The following UROS variants were observed in gnomAD, a reference collection of about 807,000 sequenced individuals.
UROS encodes uroporphyrinogen-III synthase.
UROS carries 18 observed loss-of-function variants against 33.0 expected under a neutral mutation model. That is an observed-to-expected ratio of 0.55 (90% CI 0.38 to 0.81). The LOEUF (loss-of-function observed/expected upper bound fraction) is 0.81. UROS is among the 30% of genes least tolerant of loss of function. The pLI, the probability that UROS is intolerant of heterozygous loss-of-function variation, is 0.00. For synonymous variants in UROS, 114 were observed against 121.1 expected, an observed-to-expected ratio of 0.94 and a Z score of 0.38; for missense variants, 293 against 314.9, an observed-to-expected ratio of 0.93 and a Z score of 0.53.
rs1010416511 is a variant in UROS at position 125,812,284 on chromosome 10, C to G, written c.249G>C (p.Trp83Cys). ...TCCATTTTTCTTTCAGAGACCTTTC[C>G]CAGACTGTAAAACATGAAATGATAT... ...CLEQNNKTEVWERSLKEKWNA... is the reference protein window; with the variant it reads ...CLEQNNKTEVCERSLKEKWNA... Residue 83 changes from tryptophan (W) to cysteine (C), a missense_variant, in exon 5 of 10, where the codon TGG becomes TGC. Transcript: ENST00000368797. 6.2e-7 allele frequency: 1 copy of G among 1,613,634 alleles called. No homozygotes were observed. The highest frequency in any genetic ancestry group is 1.7e-5 in the Admixed American group (1 of 60,004).
intron 5 of UROS, among the ~76,000 whole-genome samples, chr10:125,810,845 G>C (rs1200788930): frequency 6.6e-6 from 1 of 152,210 alleles, no homozygotes; most frequent in Non-Finnish European, 1.5e-5. Context: ...TTCATGTCAA[G>C]GAAAAATGTG....
intron 6 of UROS, among the ~76,000 whole-genome samples, chr10:125,805,782 G>A (rs930964891): frequency 1.3e-5 from 2 of 152,176 alleles, no homozygotes; most frequent in Admixed American, 1.3e-4. Context: ...TACAGGCCAC[G>A]TGTCTATGTA....
chr10:125,795,867 G>A (rs1467771993), intron 8 of UROS, among the ~76,000 whole-genome samples: 10 of 152,108 alleles, frequency 6.6e-5, no homozygotes, highest in Admixed American at 3.9e-4. Context: ...ACCTCTTACC[G>A]AAATCACTGA....
intron 6 of UROS, chr10:125,802,911 G>A (rs534115928): frequency 4.1e-4 from 651 of 1,603,414 alleles, no homozygotes; most frequent in African/African-American, 2.5e-3. Context: ...TTTCCCCACC[G>A]CCTTGCCACC....
chr10:125,820,564 A>G (rs528462933), intron 1 of UROS, among the ~76,000 whole-genome samples: 1 of 152,350 alleles, frequency 6.6e-6, no homozygotes, highest in African/African-American at 2.4e-5. Flanking sequence ...GTTTAACCAG[A>G]TATCTGGGCA....
At chr10:125,797,327 C>T (rs1851448807) in intron 7 of UROS, among the ~76,000 whole-genome samples, 2 of 152,226 alleles carry the variant, frequency 1.3e-5, no homozygotes, top group Admixed American at 6.5e-5. Flanking sequence ...CTGAACACCT[C>T]TATGAGGCAG....
chr10:125,791,618 T>C (rs1269681133), intron 9 of UROS: 1 of 152,218 alleles, frequency 6.6e-6, no homozygotes, highest in Non-Finnish European at 1.5e-5. Flanking sequence ...GTCCTCAGCA[T>C]GTACTATTAT....
At chr10:125,804,266 A>C (rs1355101346) in intron 6 of UROS, among the ~76,000 whole-genome samples, 1 of 152,216 alleles carries the variant, frequency 6.6e-6, no homozygotes, top group Non-Finnish European at 1.5e-5. Context: ...TGGAACCTCC[A>C]TAAAACCCCT....
In UROS at chr10:125,816,229, A is replaced by G. The variant is rs1442096336; in HGVS notation, c.95T>C (p.Leu32Ser). The part of the protein sequence containing the change: ...ELGLYGLEAT[L>S]IPVLSFEFLS... ...AAACTCAAACGATAAAACAGGGATC[A>G]AAGTGGCTTCAAGTCCATATAATCC... The change falls in exon 3 of 10, where the codon TTG becomes TCG. Residue 32 changes from leucine (L) to serine (S), a missense_variant. Coordinates refer to ENST00000368797, the MANE Select transcript of UROS (RefSeq NM_000375.3). The G allele has an allele frequency of 2.5e-6, 4 of 1,614,112 alleles. No homozygotes were observed. In the Admixed American group the frequency reaches 6.7e-5, roughly 27 times the overall value.
intron 1 of UROS, among the ~76,000 whole-genome samples, chr10:125,821,640 C>T (rs912053502): frequency 1.2e-4 from 18 of 152,028 alleles, no homozygotes; most frequent in African/African-American, 4.1e-4. Context: ...CTTTTACCAC[C>T]ATAAAAAAAG....
downstream of UROS, chr10:125,785,427 C>T (rs2133790705): frequency 6.6e-6 from 1 of 152,324 alleles, no homozygotes; most frequent in East Asian, 1.9e-4. Context: ...ATTCTTGTTC[C>T]AGAGTAATGA....
chr10:125,801,205 G>A (rs1851816886), intron 6 of UROS, among the ~76,000 whole-genome samples: 1 of 152,176 alleles, frequency 6.6e-6, no homozygotes, highest in African/African-American at 2.4e-5. Context: ...AGTGTGCCAG[G>A]CTGCAGAGAT....
intron 6 of UROS, among the ~76,000 whole-genome samples, chr10:125,806,292 G>A (rs1852325522): frequency 6.6e-6 from 1 of 151,952 alleles, no homozygotes; most frequent in Non-Finnish European, 1.5e-5. Context: ...TGTTTCAGAA[G>A]CCATAAAGAG....
chr10:125,812,171 C>G, intron 5 of UROS, 43 bp downstream of exon 5: 1 of 1,579,914 alleles, frequency 6.3e-7, no homozygotes, highest in Non-Finnish European at 8.7e-7. Context: ...ACTGAAAAGG[C>G]TAAGCCATTT....
Position 125,819,174 on chromosome 10 carries a change from G to C in UROS, c.-26-2649C>G, listed in dbSNP as rs191151424. ...TAATTTTTGTATTTTAGTAGAGATGGGGTTTCAGCATGTTGGCCAGGATGG... is the reference window on the plus strand; with the variant it reads ...TAATTTTTGTATTTTAGTAGAGATGCGGTTTCAGCATGTTGGCCAGGATGG... On this transcript the variant is annotated intron_variant, in intron 1 of 9. Coordinates refer to ENST00000368797, the MANE Select transcript of UROS (RefSeq NM_000375.3). Among the ~76,000 whole-genome samples, 52 of 152,286 alleles carry C rather than the reference G, an allele frequency of 3.4e-4. No individual in the cohort carries two copies. The East Asian group carries it at 8.9e-3, about 26-fold the overall frequency.
intron 8 of UROS, among the ~76,000 whole-genome samples, chr10:125,795,418 G>A (rs1329003925): frequency 5.3e-5 from 8 of 152,226 alleles, no homozygotes; most frequent in Non-Finnish European, 1.0e-4. Context: ...GTCCTATCAG[G>A]CCCTCCCAAT....
chr10:125,817,063 C>T (rs1263931926), intron 1 of UROS, among the ~76,000 whole-genome samples: 1 of 151,980 alleles, frequency 6.6e-6, no homozygotes, highest in Non-Finnish European at 1.5e-5. Flanking sequence ...TTCTTTCTTC[C>T]TGTAATTTCA....
At position 125,816,228 on chromosome 10, in the gene UROS, C is replaced by G. The variant is rs766195658; in HGVS notation, c.96G>C (p.Leu32Phe). Residue 32 changes from leucine to phenylalanine, a missense_variant, in exon 3 of 10, where the codon TTG becomes TTC. Leu to Phe is a conservative substitution (Grantham distance 22). Transcript: ENST00000368797. ...ELGLYGLEAT[L>F]IPVLSFEFLS... Reference sequence around the variant, plus strand: ...AAAACTCAAACGATAAAACAGGGATCAAAGTGGCTTCAAGTCCATATAATC... The same window carrying G: ...AAAACTCAAACGATAAAACAGGGATGAAAGTGGCTTCAAGTCCATATAATC... 6.2e-7 allele frequency: 1 copy of G among 1,614,122 alleles called. No homozygotes were observed. The highest frequency in any genetic ancestry group is 8.5e-7 in the Non-Finnish European group (1 of 1,180,014).
intron 3 of UROS, 87 bp downstream of exon 3, chr10:125,816,090 G>A (rs967521736): frequency 7.9e-7 from 1 of 1,272,340 alleles, no homozygotes; most frequent in East Asian, 2.3e-5. Flanking sequence ...AATAAAATAA[G>A]AAGACAGTAA....
Sources: gnomAD v4.1 joint callset for allele counts (sites outside exome capture counted in the v4.1 genomes callset) on GRCh38, gnomAD v4.1.1 for gene constraint, MANE v1.5 for transcripts, NCBI Gene and HGNC (gene_info 2026-07-23, HGNC 2026-07-21) for gene names.